Variants in SOS1 observed in about 807,000 individuals in gnomAD.
SOS1 encodes son of sevenless homolog 1.
In SOS1, 25 loss-of-function variants were observed where a neutral mutation model predicts 157.6. The ratio of observed to expected loss-of-function variants is 0.16; its 90% CI spans 0.12 to 0.22. The LOEUF is 0.22. SOS1 is among the 10% of genes least tolerant of loss of function. The pLI is 1.00. For synonymous variants in SOS1, 528 were observed against 534.0 expected (o/e 0.99, Z 0.16); for missense variants, 1,237 against 1,599.1 (o/e 0.77, Z 3.86).
chr2:39,091,474 T>A (rs962801546), intron 1 of SOS1, among the ~76,000 whole-genome samples: 1 of 152,012 alleles, frequency 6.6e-6, no homozygotes, highest in African/African-American at 2.4e-5. Context: ...GCCCCTTAAC[T>A]CTTTTCCAAC....
At chr2:39,001,809 T>G (rs925280164) in intron 17 of SOS1, among the ~76,000 whole-genome samples, 1 of 152,106 alleles carries the variant, frequency 6.6e-6, no homozygotes, top group Non-Finnish European at 1.5e-5. Flanking sequence ...CAGTTGTAGA[T>G]AAACTACCTT....
Position 38,985,934 on chromosome 2 carries a change from T to C in SOS1, c.3892A>G (p.Thr1298Ala), listed in dbSNP as rs139676674. 3.7e-6 allele frequency: 6 copies of C among 1,613,778 alleles called. No individual in the cohort carries two copies. The African/African-American group carries it at 8.0e-5, about 22-fold the overall frequency. The change falls in exon 23 of 23, where the codon ACT becomes GCT. Residue 1298 changes from threonine to alanine, a missense_variant. Transcript: ENST00000402219. ...GGGAGTTTAGGGATATGTTGAGAAG[T>C]GCTTTGTCGTGGAGGAACAGGCGGC... ...AGPPVPPRQS[T>A]SQHIPKLPPK...
intron 1 of SOS1, among the ~76,000 whole-genome samples, chr2:39,119,471 TC>T (rs1673782613): frequency 6.6e-6 from 1 of 152,194 alleles, no homozygotes; most frequent in South Asian, 2.1e-4. Flanking sequence ...CATGAAACAT[TC>T]TTTGAGCAGC....
At chr2:39,009,610 AAAG>A (rs1171071119) in intron 15 of SOS1, among the ~76,000 whole-genome samples, 1 of 152,230 alleles carries the variant, frequency 6.6e-6, no homozygotes, top group Non-Finnish European at 1.5e-5. Flanking sequence ...AATAATACAC[AAAG>A]AAGGTGGGTG....
chr2:38,996,992 T>C lies in SOS1; in HGVS notation c.3011A>G (p.Glu1004Gly), dbSNP rs2124478876. The part of the protein sequence containing the change: ...LNPMGNSMEK[E>G]FTDYLFNKSL... ...TTTGTTGAAAAGATAATCTGTAAAT[T>C]CCTTCTCCATGCTATTTCCCATCGG... Residue 1004 changes from glutamate (E) to glycine (G), a missense_variant, in exon 19 of 23, where the codon GAA (glutamate) becomes GGA (glycine). Physicochemically the swap from Glu to Gly is moderately conservative, Grantham distance 98 (BLOSUM62 -2). Around this residue, in one of 15 missense-constraint regions of SOS1, gnomAD observed 34 missense variants for 28.1 expected, o/e 1.21. Transcript: ENST00000402219. The C allele has an allele frequency of 6.2e-7, 1 of 1,607,614 alleles. No individual in the cohort carries two copies. Among genetic ancestry groups the C allele is most frequent in the Non-Finnish European group, 8.5e-7 (1 of 1,174,390 alleles).
At chr2:39,010,817 T>C (rs1334638852) in intron 14 of SOS1, 114 bp from the exon 15 acceptor site, 15 of 805,118 alleles carry the variant, frequency 1.9e-5, no homozygotes, top group Non-Finnish European at 2.9e-5. Flanking sequence ...TTTCCTCTTA[T>C]ACCAACAGAA....
chr2:39,054,371 A>T (rs1449115524), intron 5 of SOS1, among the ~76,000 whole-genome samples: 1 of 152,222 alleles, frequency 6.6e-6, no homozygotes, highest in Non-Finnish European at 1.5e-5. Context: ...TATCCTTTGG[A>T]GTACATGGAG....
At chr2:39,012,524 A>G (rs955845670) in intron 13 of SOS1, among the ~76,000 whole-genome samples, 176 bp from the exon 14 acceptor site, 2 of 152,136 alleles carry the variant, frequency 1.3e-5, no homozygotes, top group African/African-American at 4.8e-5. Flanking sequence ...CCCCAATCCT[A>G]ATCTTATTCT....
At chr2:38,992,186 A>C (rs532289062) in intron 20 of SOS1, 6 of 152,136 alleles carry the variant, frequency 3.9e-5, no homozygotes, top group Non-Finnish European at 8.8e-5. Context: ...CACATCTGTT[A>C]GTTAGGCAAA....
chr2:39,096,867 C>A (rs1672785419), intron 1 of SOS1, among the ~76,000 whole-genome samples: 1 of 149,536 alleles, frequency 6.7e-6, no homozygotes, highest in African/African-American at 2.5e-5. Context: ...GCCTGGGCAA[C>A]AGAGCGAGAC....
intron 6 of SOS1, among the ~76,000 whole-genome samples, chr2:39,047,461 C>T (rs1344851478): frequency 2.0e-5 from 3 of 152,260 alleles, no homozygotes; most frequent in African/African-American, 7.2e-5. Flanking sequence ...GTGGCTGTAC[C>T]AAATTACACC....
intron 1 of SOS1, among the ~76,000 whole-genome samples, chr2:39,073,454 A>G (rs1044290723): frequency 6.6e-6 from 1 of 152,258 alleles, no homozygotes; most frequent in East Asian, 1.9e-4. Context: ...TAATGCAAAT[A>G]CTTTACTAAA....
At chr2:39,019,109 G>C (rs1256571775) in intron 10 of SOS1, among the ~76,000 whole-genome samples, 1 of 151,698 alleles carries the variant, frequency 6.6e-6, no homozygotes. Flanking sequence ...TAAAGAAAAC[G>C]ATCTTCTGGC....
chr2:39,035,005 TAAA>T (rs1212422971), intron 8 of SOS1: 1 of 627,968 alleles, frequency 1.6e-6, no homozygotes, highest in Non-Finnish European at 2.9e-6. Flanking sequence ...ACAAAAAAAT[TAAA>T]AAACAACAAA....
intron 6 of SOS1, among the ~76,000 whole-genome samples, chr2:39,041,525 A>G (rs1392813951): frequency 6.6e-6 from 1 of 152,132 alleles, no homozygotes; most frequent in African/African-American, 2.4e-5. Context: ...ACAGTTTTTA[A>G]TTTTGAAGAA....
At chr2:39,093,692 C>G (rs773636617) in intron 1 of SOS1, among the ~76,000 whole-genome samples, 1 of 152,170 alleles carries the variant, frequency 6.6e-6, no homozygotes, top group African/African-American at 2.4e-5. Context: ...GCAGAGCCAG[C>G]AGAGCTGGAG....
At chr2:39,010,807 T>C (rs1669440285) in intron 14 of SOS1, 104 bp from the exon 15 acceptor site, 4 of 881,222 alleles carry the variant, frequency 4.5e-6, no homozygotes, top group South Asian at 1.4e-5. Context: ...TCATATGAAC[T>C]TTCCTCTTAT....
upstream of SOS1, among the ~76,000 whole-genome samples, chr2:39,124,532 G>C (rs552769980): frequency 6.6e-6 from 1 of 152,366 alleles, no homozygotes; most frequent in Non-Finnish European, 1.5e-5. Flanking sequence ...CCTTCAGTGT[G>C]CCCCCTGCAG....
chr2:39,102,585 A>G (rs1339118565), intron 1 of SOS1, among the ~76,000 whole-genome samples: 1 of 147,798 alleles, frequency 6.8e-6, no homozygotes, highest in African/African-American at 2.5e-5. Context: ...TAAAAGGGTT[A>G]TAGGTGAGGG....
Sources: gnomAD v4.1 joint callset for allele counts (sites outside exome capture counted in the v4.1 genomes callset) on GRCh38, gnomAD v4.1.1 for gene constraint, gnomAD v4.1.1 regional missense constraint, MANE v1.5 for transcripts, NCBI Gene and HGNC (gene_info 2026-07-23, HGNC 2026-07-21) for gene names.